The following SHLD1 variants were observed in gnomAD, a reference collection of about 807,000 sequenced individuals.
The protein encoded by SHLD1 is shieldin complex subunit 1.
In SHLD1, 3 loss-of-function variants were observed where a neutral mutation model predicts 5.5. The observed-to-expected ratio is 0.54, with a 90% CI of 0.25 to 1.40. SHLD1 has a LOEUF of 1.40. Ranked by LOEUF, SHLD1 falls within the 40% of genes most tolerant of loss-of-function variation. SHLD1 has a pLI of 0.15. For synonymous variants in SHLD1, 92 were observed against 94.3 expected, an observed-to-expected ratio of 0.98 and a Z score of 0.14; for missense variants, 210 against 244.4, an observed-to-expected ratio of 0.86 and a Z score of 0.94.
At chr20:5,844,487 T>TG (rs2087903162) in intron 2 of SHLD1, among the ~76,000 whole-genome samples, 1 of 152,160 alleles carries the variant, frequency 6.6e-6, no homozygotes, top group Non-Finnish European at 1.5e-5. Context: ...TCTACCAGCC[T>TG]GGGCTTCTGT....
intron 2 of SHLD1, 186 bp downstream of exon 2, chr20:5,773,229 C>T: frequency 1.4e-6 from 1 of 731,768 alleles, no homozygotes; most frequent in Non-Finnish European, 2.5e-6. Flanking sequence ...CCTGGCACAG[C>T]AATGACAAGG....
intron 1 of SHLD1, among the ~76,000 whole-genome samples, chr20:5,755,243 G>A (rs1406879398): frequency 2.0e-5 from 3 of 152,094 alleles, no homozygotes; most frequent in South Asian, 2.1e-4. Flanking sequence ...CTCAATCCCC[G>A]GGCCATGGAC....
At chr20:5,783,635 T>C (rs1021793639) in intron 2 of SHLD1, among the ~76,000 whole-genome samples, 4 of 152,206 alleles carry the variant, frequency 2.6e-5, no homozygotes, top group Non-Finnish European at 4.4e-5. Flanking sequence ...ATTTTAATTG[T>C]ATGGCCTGAG....
intron 2 of SHLD1, among the ~76,000 whole-genome samples, chr20:5,846,533 T>G (rs1295721701): frequency 6.6e-6 from 1 of 152,226 alleles, no homozygotes; most frequent in East Asian, 1.9e-4. Flanking sequence ...GGCAAGGATA[T>G]GAAACAAATC....
At chr20:5,833,389 T>A (rs994739715) in intron 2 of SHLD1, among the ~76,000 whole-genome samples, 4 of 152,230 alleles carry the variant, frequency 2.6e-5, no homozygotes, top group African/African-American at 9.6e-5. Flanking sequence ...TAAATGAGGT[T>A]GTCCATTGGT....
intron 2 of SHLD1, among the ~76,000 whole-genome samples, chr20:5,799,134 C>T (rs1450539071): frequency 6.6e-6 from 1 of 151,462 alleles, no homozygotes; most frequent in Non-Finnish European, 1.5e-5. Context: ...GCCTGGGAGG[C>T]GGAGGTTGCA....
At chr20:5,781,140 A>AAAAT (rs1475578500) in intron 2 of SHLD1, among the ~76,000 whole-genome samples, 1 of 152,216 alleles carries the variant, frequency 6.6e-6, no homozygotes, top group African/African-American at 2.4e-5. Flanking sequence ...AAATGATGGT[A>AAAAT]AAATAAACAA....
chr20:5,808,775 G>A (rs1293725182), intron 2 of SHLD1, among the ~76,000 whole-genome samples: 1 of 152,174 alleles, frequency 6.6e-6, no homozygotes, highest in Non-Finnish European at 1.5e-5. Context: ...TTGAATATTA[G>A]TGATTTAGTG....
At chr20:5,781,805 G>A (rs529183748) in intron 2 of SHLD1, among the ~76,000 whole-genome samples, 1 of 152,104 alleles carries the variant, frequency 6.6e-6, no homozygotes, top group Non-Finnish European at 1.5e-5. Context: ...TTTCCTTCCA[G>A]CTCCAATCAA....
At chr20:5,862,131 C>T (rs2088170901) in intron 2 of SHLD1, among the ~76,000 whole-genome samples, 1 of 152,242 alleles carries the variant, frequency 6.6e-6, no homozygotes, top group Non-Finnish European at 1.5e-5. Flanking sequence ...AAAGCCCTCT[C>T]TCCAAATATA....
At chr20:5,817,517 A>G (rs1432588656) in intron 2 of SHLD1, among the ~76,000 whole-genome samples, 1 of 149,004 alleles carries the variant, frequency 6.7e-6, no homozygotes, top group Non-Finnish European at 1.5e-5. Flanking sequence ...TAAACTCACT[A>G]GGGAGATTTT....
At chr20:5,795,941 G>A (rs140800035) in intron 2 of SHLD1, among the ~76,000 whole-genome samples, 2 of 151,654 alleles carry the variant, frequency 1.3e-5, no homozygotes, top group South Asian at 2.1e-4. Flanking sequence ...GCAGTGAGCC[G>A]AGATCGCACC....
intron 2 of SHLD1, among the ~76,000 whole-genome samples, chr20:5,839,934 G>C (rs1337940018): frequency 6.6e-6 from 1 of 152,162 alleles, no homozygotes; most frequent in Non-Finnish European, 1.5e-5. Context: ...CAATACTTGA[G>C]AACACTTTCT....
At chr20:5,841,712 T>A (rs237090) in intron 2 of SHLD1, among the ~76,000 whole-genome samples, 65,215 of 151,794 alleles carry the variant, frequency 0.43, 16,461 homozygotes, top group African/African-American at 0.7. Flanking sequence ...TGACTAAAAG[T>A]ACATTTAACT....
chr20:5,860,884 A>AAC (rs2088153754), intron 2 of SHLD1, among the ~76,000 whole-genome samples: 2 of 10,724 alleles, frequency 1.9e-4, no homozygotes, highest in Non-Finnish European at 3.3e-4. Flanking sequence ...TTTAAAAAAA[A>AAC]AAAAAAAAAA....
chr20:5,787,424 C>T (rs190796387), intron 2 of SHLD1, among the ~76,000 whole-genome samples: 1 of 152,194 alleles, frequency 6.6e-6, no homozygotes, highest in Non-Finnish European at 1.5e-5. Flanking sequence ...CCTTGGCCAA[C>T]CTTTTAGCTC....
chr20:5,809,140 A>G (rs1443511217), intron 2 of SHLD1, among the ~76,000 whole-genome samples: 4 of 152,248 alleles, frequency 2.6e-5, no homozygotes. Context: ...TTCTAAAACC[A>G]TGCTCATAAG....
Position 5,808,917 on chromosome 20 carries a change from G to A in SHLD1, c.178+35874G>A, listed in dbSNP as rs192049824. Reference sequence around the variant, plus strand: ...CAGTTTAGTTGGGTTAATATTATCGGTTAGGAGTTAATTCACAGTAAAGTG... The same window carrying A: ...CAGTTTAGTTGGGTTAATATTATCGATTAGGAGTTAATTCACAGTAAAGTG... On this transcript the variant is annotated intron_variant, in intron 2 of 2. Coordinates refer to ENST00000303142, the MANE Select transcript of SHLD1 (RefSeq NM_152504.4). 2.6e-4 allele frequency among the ~76,000 whole-genome samples: 39 copies of A among 151,126 alleles called. 2 individuals carry two copies. Among genetic ancestry groups the A allele is most frequent in the African/African-American group, 9.4e-4 (38 of 40,416 alleles).
At chr20:5,774,020 A>G (rs894982410) in intron 2 of SHLD1, among the ~76,000 whole-genome samples, 1 of 152,122 alleles carries the variant, frequency 6.6e-6, no homozygotes, top group Non-Finnish European at 1.5e-5. Context: ...CCTGGCCAAC[A>G]TGGTGAAACC....
Sources: gnomAD v4.1 joint callset for allele counts (sites outside exome capture counted in the v4.1 genomes callset) on GRCh38, gnomAD v4.1.1 for gene constraint, MANE v1.5 for transcripts, NCBI Gene and HGNC (gene_info 2026-07-23, HGNC 2026-07-21) for gene names.